The following PSD3 variants were observed in gnomAD, a reference collection of about 807,000 sequenced individuals.
PSD3 encodes the protein pleckstrin and Sec7 domain containing 3, also known as PH and SEC7 domain-containing protein 3.
Under a neutral mutation model 105.5 loss-of-function variants are expected in PSD3, and 49 were observed. The observed-to-expected ratio is 0.46, with a 90% CI of 0.37 to 0.59. The LOEUF is 0.59. Among genes scored for constraint, PSD3 ranks in the 20% least tolerant of loss-of-function variants. The pLI, the probability that PSD3 is intolerant of heterozygous loss-of-function variation, is 0.00. For missense variants in PSD3, 1,561 were observed against 1,263.8 expected (o/e 1.24, Z -3.57); for synonymous variants, 557 against 457.8 (o/e 1.22, Z -2.77).
chr8:18,912,767 T>C (rs1419047289), intron 2 of PSD3, among the ~76,000 whole-genome samples: 1 of 152,196 alleles, frequency 6.6e-6, no homozygotes, highest in East Asian at 1.9e-4. Context: ...TGGGACCCTA[T>C]TGCTTCATCA....
chr8:18,833,174 C>T (rs769747544), intron 4 of PSD3, among the ~76,000 whole-genome samples: 28 of 152,186 alleles, frequency 1.8e-4, no homozygotes, highest in Non-Finnish European at 3.7e-4. Context: ...GCGAAACTGA[C>T]ACTGAGGACC....
chr8:18,755,596 A>G (rs1359548343), intron 9 of PSD3, among the ~76,000 whole-genome samples: 1 of 152,130 alleles, frequency 6.6e-6, no homozygotes, highest in African/African-American at 2.4e-5. Flanking sequence ...ATAAATTCCC[A>G]CTGGGAATCA....
intron 15 of PSD3, among the ~76,000 whole-genome samples, chr8:18,553,903 CAT>C: frequency 6.6e-6 from 1 of 152,256 alleles, no homozygotes; most frequent in East Asian, 1.9e-4. Flanking sequence ...ACCTGCTTGA[CAT>C]ATTAGCATAT....
intron 2 of PSD3, among the ~76,000 whole-genome samples, chr8:18,900,221 C>T (rs957198575): frequency 6.6e-6 from 1 of 152,144 alleles, no homozygotes; most frequent in African/African-American, 2.4e-5. Flanking sequence ...CTTCCTTTTG[C>T]TTTAAGTTGT....
chr8:18,784,802 G>A (rs1212636627), intron 8 of PSD3, among the ~76,000 whole-genome samples: 3 of 152,184 alleles, frequency 2.0e-5, no homozygotes, highest in Non-Finnish European at 2.9e-5. Context: ...GCACATAGAT[G>A]TACTTGCCAA....
At chr8:18,683,958 T>G (rs1437746251) in intron 9 of PSD3, 2 of 751,736 alleles carry the variant, frequency 2.7e-6, no homozygotes, top group Middle Eastern at 2.3e-4. Context: ...AAGGAAGGGG[T>G]TTAGAGAAAT....
At chr8:19,084,065 G>T in intron 1 of PSD3, 1 of 342,140 alleles carries the variant, frequency 2.9e-6, no homozygotes, top group Non-Finnish European at 5.8e-6. Flanking sequence ...GGAAGGCTGC[G>T]GCTCGTGGGT....
Position 18,802,532 on chromosome 8 carries a change from A to G in PSD3, c.1911-1150T>C, listed in dbSNP as rs146176804. Among the ~76,000 whole-genome samples the G allele has an allele frequency of 2.3e-3, 353 of 152,336 alleles. 3 individuals carry two copies. Among genetic ancestry groups the G allele is most frequent in the African/African-American group, 7.6e-3 (315 of 41,576 alleles). Reference sequence around the variant, plus strand: ...AACTTTAATTTTTCATAACTTTAATAAACTACATCAGAATGCAAGGCAAAA... The same window carrying G: ...AACTTTAATTTTTCATAACTTTAATGAACTACATCAGAATGCAAGGCAAAA... On this transcript the variant is annotated intron_variant, in intron 6 of 15. Transcript: ENST00000327040.
intron 1 of PSD3, among the ~76,000 whole-genome samples, chr8:19,069,283 T>C (rs986160047): frequency 1.3e-5 from 2 of 152,206 alleles, no homozygotes; most frequent in Admixed American, 6.5e-5. Flanking sequence ...TGGGATCCCC[T>C]GGCCTACAAA....
In PSD3 at chr8:18,663,405, G is replaced by A. The variant is rs571771857; in HGVS notation, c.2173-7720C>T. Among the ~76,000 whole-genome samples, 17 of 149,458 alleles carry A rather than the reference G, an allele frequency of 1.1e-4. No individual in the cohort carries two copies. The East Asian group carries it at 3.2e-3, about 28-fold the overall frequency. On this transcript the variant is annotated intron_variant, in intron 9 of 15. Coordinates refer to ENST00000327040, the MANE Select transcript of PSD3 (RefSeq NM_015310.4). ...CATGCCACTGCACTCCAGCCTGGGC[G>A]ACAGAATGAGACTTTGTCTCAAAAA...
At position 18,642,256 on chromosome 8, in the gene PSD3, T is replaced by C. The variant is rs534814345; in HGVS notation, c.2217-9450A>G. Among the ~76,000 whole-genome samples, 343 of 152,280 alleles carry C rather than the reference T, an allele frequency of 2.3e-3. 1 individual carries two copies. The highest frequency in any genetic ancestry group is 3.5e-3 in the Non-Finnish European group (238 of 68,014). On this transcript the variant is annotated intron_variant, in intron 10 of 15. Transcript: ENST00000327040. ...ATGTTAGGTATTCCCAAAAGATCTATTGGAAAATTTTTAAGGGGCAACTAA... is the reference window on the plus strand; with the variant it reads ...ATGTTAGGTATTCCCAAAAGATCTACTGGAAAATTTTTAAGGGGCAACTAA...
chr8:18,788,923 C>T (rs335247), intron 8 of PSD3, among the ~76,000 whole-genome samples: 136,632 of 152,176 alleles, frequency 0.9, 61,879 homozygotes, highest in Non-Finnish European at 0.96. Context: ...AAATGTATGA[C>T]TGGGGGGCAA....
At chr8:18,757,244 G>C (rs1271837856) in intron 9 of PSD3, among the ~76,000 whole-genome samples, 1 of 151,032 alleles carries the variant, frequency 6.6e-6, no homozygotes, top group Non-Finnish European at 1.5e-5. Context: ...TTTGAGGTCA[G>C]GAGTTCAAGA....
intron 1 of PSD3, among the ~76,000 whole-genome samples, chr8:18,975,740 C>T (rs1195710567): frequency 6.6e-6 from 1 of 152,058 alleles, no homozygotes; most frequent in Non-Finnish European, 1.5e-5. Context: ...CAAAATCCTT[C>T]TTAAGGCATG....
intron 9 of PSD3, among the ~76,000 whole-genome samples, chr8:18,695,420 T>C (rs1025330679): frequency 2.0e-5 from 3 of 152,230 alleles, no homozygotes; most frequent in African/African-American, 7.2e-5. Flanking sequence ...TCAAATACTG[T>C]AGAAACAAAC....
rs147728085 is a variant in PSD3 at position 18,982,624 on chromosome 8, T to C, written c.21+30939A>G. Among the ~76,000 whole-genome samples the C allele has an allele frequency of 2.6e-3, 392 of 152,340 alleles. 3 individuals are homozygous for C. The highest frequency in any genetic ancestry group is 8.9e-3 in the African/African-American group (372 of 41,582). Reference sequence around the variant, plus strand: ...TGAGTTAACAGGCATGAAAACAACATACATCTCCTTGTAGATTTACATAAG... The same window carrying C: ...TGAGTTAACAGGCATGAAAACAACACACATCTCCTTGTAGATTTACATAAG... On this transcript the variant is annotated intron_variant, in intron 1 of 15. Transcript: ENST00000327040.
At position 18,872,598 on chromosome 8, in the gene PSD3, T is replaced by G. The variant is rs199780269; in HGVS notation, c.266A>C (p.Gln89Pro). 6.2e-7 allele frequency: 1 copy of G among 1,614,102 alleles called. No homozygotes were observed. The highest frequency in any genetic ancestry group is 1.3e-5 in the African/African-American group (1 of 75,018). Reference sequence around the variant, plus strand: ...AAGAGGCTGGACACCCTGCTGCTCTTGTGGGTGGCATGGCAGAGCCTCACC... The same window carrying G: ...AAGAGGCTGGACACCCTGCTGCTCTGGTGGGTGGCATGGCAGAGCCTCACC... ...FDGEALPCHP[Q>P]EQQGVQPLTG... The change falls in exon 3 of 16, where the codon CAA (glutamine) becomes CCA (proline). Residue 89 changes from glutamine (Q) to proline (P), a missense_variant. By Grantham distance (76) the Gln-to-Pro change is moderately conservative (BLOSUM62 -1). Coordinates refer to ENST00000327040, the MANE Select transcript of PSD3 (RefSeq NM_015310.4).
exon 1 of PSD3, chr8:19,084,650 C>T (rs1016455557): frequency 2.6e-5 from 9 of 341,310 alleles, no homozygotes; most frequent in Admixed American, 1.6e-4. Flanking sequence ...TGCTTACGTC[C>T]GGATCCTGGG....
chr8:19,015,806 T>C (rs149385632), upstream of PSD3, among the ~76,000 whole-genome samples: 21 of 152,334 alleles, frequency 1.4e-4, no homozygotes, highest in African/African-American at 5.1e-4. Context: ...GAATGTTCAA[T>C]AGAGGAGCAT....
Sources: allele counts gnomAD v4.1 joint callset (sites outside exome capture counted in the v4.1 genomes callset), GRCh38; gene constraint gnomAD v4.1.1; transcripts MANE v1.5; gene names NCBI Gene and HGNC (gene_info 2026-07-23, HGNC 2026-07-21).